ERC1: variants seen among roughly 807,000 people sequenced by gnomAD.
ERC1 encodes ELKS/RAB6-interacting/CAST family member 1.
In ERC1, 56 loss-of-function variants were observed where a neutral mutation model predicts 132.0. The observed-to-expected ratio is 0.42, with a 90% CI of 0.34 to 0.53. The LOEUF (loss-of-function observed/expected upper bound fraction) is 0.53. ERC1 is among the 20% of genes least tolerant of loss of function. The pLI, the probability that ERC1 is intolerant of heterozygous loss-of-function variation, is 0.03. For missense variants in ERC1, 1,202 were observed against 1,349.9 expected (o/e 0.89, Z 1.72); for synonymous variants, 478 against 476.1 (o/e 1.00, Z -0.05).
At chr12:1,361,072 T>A (rs145551206) in intron 15 of ERC1, among the ~76,000 whole-genome samples, 30 of 130,942 alleles carry the variant, frequency 2.3e-4, no homozygotes, top group African/African-American at 8.7e-4. Flanking sequence ...CACTCCAGCC[T>A]GGGTGATGGG....
chr12:1,121,933 CTCTA>C lies in ERC1; in HGVS notation c.1569+5908_1569+5911del, dbSNP rs752951826. Among the ~76,000 whole-genome samples, 38 of 2,584 alleles carry C rather than the reference CTCTA, an allele frequency of 0.015. 4 individuals carry two copies. In the East Asian group the frequency reaches 0.5, roughly 34 times the overall value. The allele number at this position is 2,584 out of a possible 152,430, so 1.7% of individuals were successfully genotyped here. ...TCTCTATCTCTATCTCTATCTGTGT[CTCTA>C]TCTATCTCTATCTCTATCTCTATCT... On this transcript the variant is annotated intron_variant, in intron 7 of 18. Transcript: ENST00000360905.
At chr12:1,386,186 C>G (rs2089324384) in intron 16 of ERC1, among the ~76,000 whole-genome samples, 5 of 151,590 alleles carry the variant, frequency 3.3e-5, no homozygotes, top group Admixed American at 3.3e-4. Flanking sequence ...ACTATAGGTG[C>G]CTGCCACCAT....
At chr12:1,185,738 T>G (rs1185698220) in intron 11 of ERC1, among the ~76,000 whole-genome samples, 1 of 152,010 alleles carries the variant, frequency 6.6e-6, no homozygotes, top group East Asian at 1.9e-4. Context: ...GTTGTTTTTT[T>G]TTTTTTTTAA....
intron 6 of ERC1, among the ~76,000 whole-genome samples, chr12:1,113,628 G>A (rs1316791830): frequency 6.6e-6 from 1 of 152,142 alleles, no homozygotes; most frequent in Non-Finnish European, 1.5e-5. Context: ...ATATTAAAAA[G>A]GGAAATATTT....
At chr12:1,093,903 ATATATTTTTCTATATATAAATG>A in intron 3 of ERC1, among the ~76,000 whole-genome samples, 1 of 136,384 alleles carries the variant, frequency 7.3e-6, no homozygotes, top group African/African-American at 2.7e-5. Flanking sequence ...ATATATAAAT[ATATATTTTTCTATATATAAATG>A]TATATTTTTC....
At chr12:1,438,954 A>AAAAAAAAATAT (rs1015181197) in intron 17 of ERC1, among the ~76,000 whole-genome samples, 20 of 143,490 alleles carry the variant, frequency 1.4e-4, no homozygotes, top group African/African-American at 5.2e-4. Flanking sequence ...TTTAAAAAAA[A>AAAAAAAAATAT]ATATATATAT....
Position 1,477,990 on chromosome 12 carries a change from G to A in ERC1, c.3214-12103G>A, listed in dbSNP as rs527984472. 6.6e-5 allele frequency among the ~76,000 whole-genome samples: 10 copies of A among 152,236 alleles called. No individual in the cohort carries two copies. The East Asian group carries it at 7.7e-4, about 12-fold the overall frequency. On this transcript the variant is annotated intron_variant, in intron 18 of 18. Coordinates refer to ENST00000360905, the MANE Select transcript of ERC1 (RefSeq NM_178040.4). ...ATGAATGTGCCACAAATTGTTTATC[G>A]TCTGTTTATCATTCAGTATGGACAT...
At chr12:1,278,193 C>T (rs774309774) in intron 14 of ERC1, among the ~76,000 whole-genome samples, 3 of 152,216 alleles carry the variant, frequency 2.0e-5, no homozygotes, top group Non-Finnish European at 4.4e-5. Context: ...GAGAATTCTG[C>T]CATCTCTGGC....
At chr12:1,309,212 G>A (rs529650200) in intron 15 of ERC1, among the ~76,000 whole-genome samples, 3 of 152,282 alleles carry the variant, frequency 2.0e-5, no homozygotes, top group South Asian at 2.1e-4. Flanking sequence ...ACTCAATTTC[G>A]AAGAGATGGA....
At chr12:1,474,290 C>G (rs1322606927) in intron 18 of ERC1, among the ~76,000 whole-genome samples, 3 of 152,190 alleles carry the variant, frequency 2.0e-5, no homozygotes, top group Non-Finnish European at 4.4e-5. Flanking sequence ...TGAATAATTT[C>G]CTGCCCTCCA....
intron 15 of ERC1, among the ~76,000 whole-genome samples, chr12:1,292,710 A>T (rs987538313): frequency 5.9e-5 from 9 of 152,208 alleles, no homozygotes; most frequent in Non-Finnish European, 1.2e-4. Flanking sequence ...TACAATTGTG[A>T]TTAAGAGAGC....
Position 1,028,195 on chromosome 12 carries a change from C to A in ERC1, c.292C>A (p.Leu98Met). The A allele has an allele frequency of 1.9e-6, 3 of 1,614,234 alleles. No individual in the cohort carries two copies. Among genetic ancestry groups the A allele is most frequent in the Non-Finnish European group, 2.5e-6 (3 of 1,180,048 alleles). Residue 98 changes from leucine (L) to methionine (M), a missense_variant, in exon 2 of 19, where the codon CTG becomes ATG. Transcript: ENST00000360905. ...TMTLGRSGGR[L>M]PYGVRMTAMG... Reference sequence around the variant, plus strand: ...GACACTTGGCCGTTCTGGGGGACGTCTGCCTTACGGTGTTCGGATGACTGC... The same window carrying A: ...GACACTTGGCCGTTCTGGGGGACGTATGCCTTACGGTGTTCGGATGACTGC...
chr12:1,298,790 C>T (rs1324253549), intron 15 of ERC1, among the ~76,000 whole-genome samples: 2 of 150,762 alleles, frequency 1.3e-5, no homozygotes, highest in South Asian at 2.1e-4. Context: ...AAGCAAGGCT[C>T]AACTGTATGC....
intron 12 of ERC1, among the ~76,000 whole-genome samples, chr12:1,205,493 G>A (rs1957279911): frequency 6.6e-6 from 1 of 151,520 alleles, no homozygotes; most frequent in Admixed American, 6.6e-5. Flanking sequence ...GGGTTACACT[G>A]GGATAAGTGT....
intron 12 of ERC1, among the ~76,000 whole-genome samples, chr12:1,218,826 A>G (rs962529575): frequency 7.3e-6 from 1 of 136,736 alleles, no homozygotes; most frequent in Non-Finnish European, 1.5e-5. Context: ...TCTCATATAT[A>G]TATATATACA....
intron 2 of ERC1, among the ~76,000 whole-genome samples, chr12:1,077,528 A>G (rs1287360452): frequency 6.6e-6 from 1 of 152,214 alleles, no homozygotes. Flanking sequence ...TGGTGTAATA[A>G]TAGTACAGTC....
intron 2 of ERC1, among the ~76,000 whole-genome samples, chr12:1,055,589 G>A (rs1972796716): frequency 6.6e-6 from 1 of 152,112 alleles, no homozygotes; most frequent in African/African-American, 2.4e-5. Context: ...AAAATGTTTG[G>A]AATAGGAAGA....
intron 1 of ERC1, among the ~76,000 whole-genome samples, chr12:1,015,166 TC>T (rs1965318619): frequency 6.6e-6 from 1 of 151,972 alleles, no homozygotes; most frequent in African/African-American, 2.4e-5. Flanking sequence ...CCTCCGGAGT[TC>T]AGGCAATCCT....
chr12:1,379,627 C>A (rs554311801), intron 16 of ERC1, among the ~76,000 whole-genome samples: 1 of 152,146 alleles, frequency 6.6e-6, no homozygotes, highest in Non-Finnish European at 1.5e-5. Context: ...TAATTATTGT[C>A]TCACACAGTG....
Sources: gnomAD v4.1 joint callset for allele counts (sites outside exome capture counted in the v4.1 genomes callset) on GRCh38, gnomAD v4.1.1 for gene constraint, MANE v1.5 for transcripts, NCBI Gene and HGNC (gene_info 2026-07-23, HGNC 2026-07-21) for gene names.